The following FUT9 variants were observed in gnomAD, a reference collection of about 807,000 sequenced individuals.
FUT9 encodes 4-galactosyl-N-acetylglucosaminide 3-alpha-L-fucosyltransferase 9.
FUT9 carries 15 observed loss-of-function variants against 29.7 expected under a neutral mutation model. The ratio of observed to expected loss-of-function variants is 0.51; its 90% CI spans 0.34 to 0.78. The LOEUF is 0.78. FUT9 is among the 30% of genes least tolerant of loss of function. FUT9 has a pLI of 0.01. For missense variants in FUT9, 319 were observed against 425.4 expected, an observed-to-expected ratio of 0.75 and a Z score of 2.20; for synonymous variants, 169 against 153.7, an observed-to-expected ratio of 1.10 and a Z score of -0.74.
In FUT9 at chr6:96,114,120, T is replaced by C. The variant is rs371951791; in HGVS notation, c.-16T>C. Reference sequence around the variant, plus strand: ...TCTACGTGCTTCCCATGATATGTTCTCTATATTGTAAGTATATATTTACTT... The same window carrying C: ...TCTACGTGCTTCCCATGATATGTTCCCTATATTGTAAGTATATATTTACTT... On this transcript the variant is annotated 5_prime_UTR_variant, in exon 2 of 3. Transcript: ENST00000302103. 3.3e-5 allele frequency: 5 copies of C among 152,300 alleles called. No individual in the cohort carries two copies. Among genetic ancestry groups the C allele is most frequent in the Middle Eastern group, 3.4e-3 (1 of 294 alleles). 9.4% of individuals were successfully genotyped at this position (152,300 alleles called of 1,614,324 possible).
intron 2 of FUT9, among the ~76,000 whole-genome samples, chr6:96,126,024 T>C (rs992621735): frequency 6.6e-6 from 1 of 152,180 alleles, no homozygotes; most frequent in Non-Finnish European, 1.5e-5. Flanking sequence ...TCCCTCTTTG[T>C]GCTGTCTTCA....
intron 2 of FUT9, among the ~76,000 whole-genome samples, chr6:96,124,448 C>T (rs1336833268): frequency 3.9e-5 from 6 of 152,078 alleles, no homozygotes; most frequent in Non-Finnish European, 8.8e-5. Flanking sequence ...CTGTGCCTGA[C>T]CAAGGCTGCT....
chr6:96,131,946 G>C (rs1772253084), intron 2 of FUT9, among the ~76,000 whole-genome samples: 1 of 152,002 alleles, frequency 6.6e-6, no homozygotes, highest in South Asian at 2.1e-4. Context: ...ACAGTTCTAT[G>C]AAGAGGATAT....
intron 1 of FUT9, among the ~76,000 whole-genome samples, chr6:96,082,175 A>C (rs1397204511): frequency 1.3e-5 from 2 of 151,602 alleles, no homozygotes; most frequent in Non-Finnish European, 3.0e-5. Flanking sequence ...AAATATATCA[A>C]TATTTTCCTT....
At chr6:96,043,366 A>G (rs1770503840) in intron 1 of FUT9, among the ~76,000 whole-genome samples, 1 of 152,196 alleles carries the variant, frequency 6.6e-6, no homozygotes, top group Non-Finnish European at 1.5e-5. Flanking sequence ...TGTTTATTCT[A>G]AGGGTATAAC....
chr6:96,040,613 C>T (rs1266478683), intron 1 of FUT9, among the ~76,000 whole-genome samples: 1 of 152,056 alleles, frequency 6.6e-6, no homozygotes, highest in African/African-American at 2.4e-5. Flanking sequence ...GTTGGAGTGA[C>T]TAAACCCAGA....
intron 2 of FUT9, among the ~76,000 whole-genome samples, chr6:96,142,353 A>G (rs1204602018): frequency 6.6e-6 from 1 of 152,230 alleles, no homozygotes; most frequent in Admixed American, 6.5e-5. Flanking sequence ...CAATCCAGTT[A>G]TGAATACTGG....
chr6:96,095,008 C>T (rs150696446), intron 1 of FUT9, among the ~76,000 whole-genome samples: 130 of 152,180 alleles, frequency 8.5e-4, no homozygotes, highest in African/African-American at 3.0e-3. Context: ...TGTCCTTTCT[C>T]ACCTCATGCT....
chr6:96,053,666 A>T (rs1380027246), intron 1 of FUT9, among the ~76,000 whole-genome samples: 3 of 152,134 alleles, frequency 2.0e-5, no homozygotes, highest in Non-Finnish European at 4.4e-5. Flanking sequence ...CCGAGATCGC[A>T]CCACTCCACT....
At chr6:96,068,619 G>A (rs1000416233) in intron 1 of FUT9, among the ~76,000 whole-genome samples, 5 of 152,176 alleles carry the variant, frequency 3.3e-5, no homozygotes, top group African/African-American at 9.7e-5. Context: ...AAAAATAAAT[G>A]TGAGACTTAA....
At position 96,081,880 on chromosome 6, in the gene FUT9, C is replaced by A. The variant is rs4591858; in HGVS notation, c.-97-32159C>A. Among the ~76,000 whole-genome samples the A allele has an allele frequency of 4.0e-3, 600 of 151,878 alleles. 3 individuals carry two copies. Among genetic ancestry groups the A allele is most frequent in the African/African-American group, 0.014 (585 of 41,520 alleles). On this transcript the variant is annotated intron_variant, in intron 1 of 2. Transcript: ENST00000302103. ...TGTCCGTCTGTGGAGTATAAGGAGG[C>A]ATCTTTTTGTTATTATAAATTTTTG...
At chr6:96,119,942 T>C (rs1337082971) in intron 2 of FUT9, among the ~76,000 whole-genome samples, 1 of 152,144 alleles carries the variant, frequency 6.6e-6, no homozygotes, top group African/African-American at 2.4e-5. Flanking sequence ...ATACACCCAA[T>C]AGAGAAACAA....
intron 2 of FUT9, among the ~76,000 whole-genome samples, chr6:96,120,530 G>A (rs142786286): frequency 0.025 from 3,667 of 147,106 alleles, 70 homozygotes; most frequent in East Asian, 0.077. Flanking sequence ...TGATCCGCCC[G>A]CCTCGGCCTC....
intron 2 of FUT9, among the ~76,000 whole-genome samples, chr6:96,194,413 A>G (rs1773581323): frequency 6.6e-6 from 1 of 152,112 alleles, no homozygotes; most frequent in Non-Finnish European, 1.5e-5. Context: ...ACAAATTGAA[A>G]GGATCAAAAG....
Position 96,074,855 on chromosome 6 carries a change from C to T in FUT9, c.-97-39184C>T, listed in dbSNP as rs565288438. ...GCTGTGGTATGAACACAGCTCACTT[C>T]ATCCTGGAACTCCTGGGTTCAAGTG... On this transcript the variant is annotated intron_variant, in intron 1 of 2. Transcript: ENST00000302103. Among the ~76,000 whole-genome samples the T allele has an allele frequency of 2.6e-5, 4 of 152,194 alleles. No homozygotes were observed. In the South Asian group the frequency reaches 8.3e-4, roughly 32 times the overall value.
At chr6:96,135,244 A>G (rs1350624772) in intron 2 of FUT9, among the ~76,000 whole-genome samples, 1 of 152,024 alleles carries the variant, frequency 6.6e-6, no homozygotes, top group Non-Finnish European at 1.5e-5. Context: ...TGTACAGTAC[A>G]TACTTATCTA....
At chr6:96,068,260 A>T (rs2127946515) in intron 1 of FUT9, among the ~76,000 whole-genome samples, 1 of 152,268 alleles carries the variant, frequency 6.6e-6, no homozygotes, top group African/African-American at 2.4e-5. Flanking sequence ...AAAGTATAAG[A>T]AAAGAAAAAA....
chr6:96,160,566 G>GTTAT (rs1772878491), intron 2 of FUT9, among the ~76,000 whole-genome samples: 1 of 152,054 alleles, frequency 6.6e-6, no homozygotes, highest in African/African-American at 2.4e-5. Flanking sequence ...TTATTAAATT[G>GTTAT]TTATATATAA....
Position 96,204,143 on chromosome 6 carries a change from T to G in FUT9, c.988T>G (p.Trp330Gly), listed in dbSNP as rs987462288. Residue 330 changes from tryptophan (W) to glycine (G), a missense_variant, in exon 3 of 3, where the codon TGG becomes GGG. Coordinates refer to ENST00000302103, the MANE Select transcript of FUT9 (RefSeq NM_006581.4). ...KDFTVNLPRF[W>G]ESHACLACDH... The stretch of plus-strand genomic sequence containing the variant: ...TTTCACTGTAAATCTTCCACGATTT[T>G]GGGAATCACATGCATGTTTGGCTTG... 1.3e-6 allele frequency: 2 copies of G among 1,498,388 alleles called. No individual in the cohort carries two copies. The highest frequency in any genetic ancestry group is 1.4e-5 in the South Asian group (1 of 69,380). The allele number at this position is 1,498,388 out of a possible 1,614,324, so 92.8% of individuals were successfully genotyped here.
Sources: gnomAD v4.1 joint callset for allele counts (sites outside exome capture counted in the v4.1 genomes callset) on GRCh38, gnomAD v4.1.1 for gene constraint, MANE v1.5 for transcripts, NCBI Gene and HGNC (gene_info 2026-07-23, HGNC 2026-07-21) for gene names.